GABRB3: variants seen among roughly 807,000 people sequenced by gnomAD.
The protein encoded by GABRB3 is gamma-aminobutyric acid type A receptor subunit beta3.
In GABRB3, 14 loss-of-function variants were observed where a neutral mutation model predicts 52.1. The ratio of observed to expected loss-of-function variants is 0.27; its 90% CI spans 0.18 to 0.42. The LOEUF (loss-of-function observed/expected upper bound fraction) is 0.42. Ranked by LOEUF, GABRB3 falls within the 10% of genes least tolerant of loss-of-function variation. The pLI is 1.00. For missense variants in GABRB3, 307 were observed against 609.1 expected, an observed-to-expected ratio of 0.50 and a Z score of 5.22; for synonymous variants, 260 against 232.3, an observed-to-expected ratio of 1.12 and a Z score of -1.08.
At position 26,580,576 on chromosome 15, in the gene GABRB3, T is replaced by C. The variant is rs765738901; in HGVS notation, c.545-120A>G. 7.1e-6 allele frequency: 9 copies of C among 1,265,798 alleles called. No individual in the cohort carries two copies. The Admixed American group carries it at 1.0e-4, about 14-fold the overall frequency. The allele number at this position is 1,265,798 out of a possible 1,614,324, so 78.4% of individuals were successfully genotyped here. A position where few individuals can be genotyped will look rare whatever the true frequency, so the allele number is the denominator to read the frequency against. Reference sequence around the variant, plus strand: ...CTATGTTTTGAGTAGATTTGCTTAATGTGCTTGTCTAGGGGAAGTGTCATC... The same window carrying C: ...CTATGTTTTGAGTAGATTTGCTTAACGTGCTTGTCTAGGGGAAGTGTCATC... On this transcript the variant is annotated intron_variant, in intron 5 of 8. Transcript: ENST00000311550.
intron 3 of GABRB3, among the ~76,000 whole-genome samples, chr15:26,702,007 T>G (rs773092741): frequency 3.9e-5 from 6 of 152,290 alleles, no homozygotes; most frequent in Non-Finnish European, 5.9e-5. Flanking sequence ...CTAGACTAAT[T>G]TGACATCTGT....
At position 26,656,266 on chromosome 15, in the gene GABRB3, G is replaced by A. The variant is rs560606087; in HGVS notation, c.241-34732C>T. On this transcript the variant is annotated intron_variant, in intron 3 of 8. Coordinates refer to ENST00000311550, the MANE Select transcript of GABRB3 (RefSeq NM_000814.6). ...TCGTCTCTCATTTCCCTCCAGCTCCGGAAAGATAAACTGTCTAGTGACTCA... is the reference window on the plus strand; with the variant it reads ...TCGTCTCTCATTTCCCTCCAGCTCCAGAAAGATAAACTGTCTAGTGACTCA... Among the ~76,000 whole-genome samples, 8 of 152,206 alleles carry A rather than the reference G, an allele frequency of 5.3e-5. No homozygotes were observed. The South Asian group carries it at 6.2e-4, about 12-fold the overall frequency.
At chr15:26,595,312 T>G (rs1274601078) in intron 4 of GABRB3, among the ~76,000 whole-genome samples, 1 of 152,108 alleles carries the variant, frequency 6.6e-6, no homozygotes, top group Non-Finnish European at 1.5e-5. Context: ...ACACAATAAT[T>G]TGCAAATAAG....
intron 3 of GABRB3, among the ~76,000 whole-genome samples, chr15:26,750,837 A>T (rs946375507): frequency 2.0e-5 from 3 of 152,224 alleles, no homozygotes; most frequent in African/African-American, 7.2e-5. Flanking sequence ...TGAATGAATA[A>T]GAAAAAGTAC....
Position 26,772,777 on chromosome 15 carries a change from G to C in GABRB3, c.81-5C>G, listed in dbSNP as rs201579427. The C allele has an allele frequency of 1.7e-5, 27 of 1,542,996 alleles. No individual in the cohort carries two copies. The highest frequency in any genetic ancestry group is 6.0e-5 in the South Asian group (5 of 83,792). Reference sequence around the variant, plus strand: ...ATGTTCCCGGGATCGTTCACACTGGGGGAGGGACGGGGAGCACAAAGAGCG... The same window carrying C: ...ATGTTCCCGGGATCGTTCACACTGGCGGAGGGACGGGGAGCACAAAGAGCG... On this transcript the variant is annotated splice_polypyrimidine_tract_variant and splice_region_variant and intron_variant, in intron 1 of 8. Coordinates refer to ENST00000311550, the MANE Select transcript of GABRB3 (RefSeq NM_000814.6).
At chr15:26,712,055 T>C (rs1388318642) in intron 3 of GABRB3, among the ~76,000 whole-genome samples, 1 of 152,070 alleles carries the variant, frequency 6.6e-6, no homozygotes, top group African/African-American at 2.4e-5. Context: ...ACAGACGTCA[T>C]GCACTGGTGA....
chr15:26,664,549 A>C (rs1887643609), intron 3 of GABRB3, among the ~76,000 whole-genome samples: 1 of 148,748 alleles, frequency 6.7e-6, no homozygotes, highest in Non-Finnish European at 1.5e-5. Context: ...AAAGCAATTT[A>C]TTTATTTATT....
Position 26,758,939 on chromosome 15 carries a change from G to A in GABRB3, c.240+13463C>T, listed in dbSNP as rs114605355. On this transcript the variant is annotated intron_variant, in intron 3 of 8. Coordinates refer to ENST00000311550, the MANE Select transcript of GABRB3 (RefSeq NM_000814.6). ...TTACCAACAGGATTCCATCTACAGC[G>A]GAAAAACCTAAGTTAAACAGTTGGA... Among the ~76,000 whole-genome samples the A allele has an allele frequency of 3.9e-3, 589 of 152,158 alleles. 4 individuals are homozygous for A. Among genetic ancestry groups the A allele is most frequent in the African/African-American group, 0.014 (565 of 41,514 alleles).
chr15:26,751,687 T>C (rs764332725), intron 3 of GABRB3, among the ~76,000 whole-genome samples: 5 of 152,128 alleles, frequency 3.3e-5, no homozygotes, highest in Non-Finnish European at 5.9e-5. Flanking sequence ...AGGGGGTCCT[T>C]TATGTTACTG....
intron 3 of GABRB3, among the ~76,000 whole-genome samples, chr15:26,764,397 ATCTTAT>A (rs1420493777): frequency 2.0e-5 from 3 of 151,880 alleles, no homozygotes; most frequent in East Asian, 1.9e-4. Flanking sequence ...TCAGATCTTA[ATCTTAT>A]TCTTATTCAT....
chr15:26,618,052 G>T (rs1377390740), intron 4 of GABRB3, among the ~76,000 whole-genome samples: 1 of 152,154 alleles, frequency 6.6e-6, no homozygotes, highest in African/African-American at 2.4e-5. Flanking sequence ...CATGCTCATG[G>T]GCAGGAAGAA....
intron 3 of GABRB3, among the ~76,000 whole-genome samples, chr15:26,686,897 T>C (rs548987231): frequency 1.3e-5 from 2 of 152,390 alleles, no homozygotes; most frequent in Admixed American, 1.3e-4. Flanking sequence ...ATGGAAGTTC[T>C]AGTATCAATA....
At position 26,654,023 on chromosome 15, in the gene GABRB3, C is replaced by G. The variant is rs184310190; in HGVS notation, c.241-32489G>C. Reference sequence around the variant, plus strand: ...AATAAATCCCAAATGCAAAGAACACCAGGAAATAATACCATTATGAGGTCC... The same window carrying G: ...AATAAATCCCAAATGCAAAGAACACGAGGAAATAATACCATTATGAGGTCC... On this transcript the variant is annotated intron_variant, in intron 3 of 8. Transcript: ENST00000311550. Among the ~76,000 whole-genome samples the G allele has an allele frequency of 5.3e-4, 81 of 152,268 alleles. No individual in the cohort carries two copies. The Middle Eastern group carries it at 0.014, about 26-fold the overall frequency.
At chr15:26,710,740 T>C (rs563031466) in intron 3 of GABRB3, among the ~76,000 whole-genome samples, 1 of 152,248 alleles carries the variant, frequency 6.6e-6, no homozygotes, top group Admixed American at 6.5e-5. Context: ...AAGGGAAATA[T>C]TGATACAAAG....
intron 6 of GABRB3, among the ~76,000 whole-genome samples, chr15:26,574,156 T>C (rs1890510975): frequency 1.3e-5 from 2 of 152,200 alleles, no homozygotes; most frequent in African/African-American, 4.8e-5. Flanking sequence ...CAAAATAGCA[T>C]ATGAAAAGAT....
intron 3 of GABRB3, among the ~76,000 whole-genome samples, chr15:26,766,837 G>A (rs1271601880): frequency 1.3e-5 from 2 of 152,170 alleles, no homozygotes; most frequent in East Asian, 3.9e-4. Flanking sequence ...AGCCCAGCAC[G>A]GGCTCAAGCA....
intron 3 of GABRB3, among the ~76,000 whole-genome samples, chr15:26,623,165 T>C (rs1363571212): frequency 6.6e-6 from 1 of 152,144 alleles, no homozygotes; most frequent in East Asian, 1.9e-4. Flanking sequence ...ACATGGAGTG[T>C]TGCTCTTAAG....
At chr15:26,579,462 C>T (rs1890710739) in intron 6 of GABRB3, among the ~76,000 whole-genome samples, 1 of 152,216 alleles carries the variant, frequency 6.6e-6, no homozygotes, top group African/African-American at 2.4e-5. Context: ...GGCCATGGGT[C>T]AGGAGCATTC....
At chr15:26,609,661 T>G (rs1408624880) in intron 4 of GABRB3, among the ~76,000 whole-genome samples, 1 of 152,156 alleles carries the variant, frequency 6.6e-6, no homozygotes, top group Non-Finnish European at 1.5e-5. Flanking sequence ...CCATATTATT[T>G]TTAAAAAATC....
Sources: allele counts gnomAD v4.1 joint callset (sites outside exome capture counted in the v4.1 genomes callset), GRCh38; gene constraint gnomAD v4.1.1; transcripts MANE v1.5; gene names NCBI Gene and HGNC (gene_info 2026-07-23, HGNC 2026-07-21).